NDUFS2: variants seen among roughly 807,000 people sequenced by gnomAD.
The protein encoded by NDUFS2 is NADH:ubiquinone oxidoreductase core subunit S2.
Under a neutral mutation model 69.6 loss-of-function variants are expected in NDUFS2, and 38 were observed. The observed-to-expected ratio is 0.55, with a 90% CI of 0.42 to 0.72. NDUFS2 has a LOEUF of 0.72. NDUFS2 is among the 30% of genes least tolerant of loss of function. NDUFS2 has a pLI of 0.00. For synonymous variants in NDUFS2, 194 were observed against 211.2 expected, an observed-to-expected ratio of 0.92 and a Z score of 0.70; for missense variants, 468 against 595.0, an observed-to-expected ratio of 0.79 and a Z score of 2.22.
chr1:161,205,605 A>G (rs921121923), intron 2 of NDUFS2, among the ~76,000 whole-genome samples: 2 of 152,114 alleles, frequency 1.3e-5, no homozygotes, highest in African/African-American at 4.8e-5. Flanking sequence ...GCAAATTAAA[A>G]TGTAAGCTTC....
intron 3 of NDUFS2, among the ~76,000 whole-genome samples, chr1:161,208,627 C>G (rs1258688981): frequency 6.6e-6 from 1 of 152,254 alleles, no homozygotes; most frequent in East Asian, 1.9e-4. Flanking sequence ...TATCCTGGAG[C>G]TAGCTCATAC....
chr1:161,213,230 C>A (rs1327943462), intron 10 of NDUFS2, 150 bp from the exon 11 acceptor site: 2 of 673,696 alleles, frequency 3.0e-6, no homozygotes, highest in African/African-American at 3.6e-5. Flanking sequence ...TCTCCCATAG[C>A]TCTCCTGTTT....
upstream of NDUFS2, chr1:161,198,694 T>C (rs1664980346): frequency 5.0e-6 from 7 of 1,386,844 alleles, no homozygotes; most frequent in Non-Finnish European, 6.7e-6. The surrounding 1 kb of genome is among the most constrained non-coding windows in gnomAD (Gnocchi z 4.7). Flanking sequence ...CACCCTAGCT[T>C]TGGAAAGCTC....
intron 10 of NDUFS2, 66 bp downstream of exon 10, chr1:161,212,546 C>T (rs1665830375): frequency 6.3e-7 from 1 of 1,585,730 alleles, no homozygotes; most frequent in African/African-American, 1.3e-5. Context: ...GAGGAGTATC[C>T]TTGGATTAAA....
chr1:161,210,589 A>G lies in NDUFS2; in HGVS notation c.867-2A>G, dbSNP rs1047522629. 6.2e-7 allele frequency: 1 copy of G among 1,614,158 alleles called. No homozygotes were observed. Among genetic ancestry groups the G allele is most frequent in the Non-Finnish European group, 8.5e-7 (1 of 1,180,016 alleles). On this transcript the variant is annotated splice_acceptor_variant, in intron 8 of 13. Transcript: ENST00000676972. LOFTEE classifies it high-confidence loss of function. ...CCCTTATTCCCATTATGCTCTCCAC[A>G]GTGGAGTGATGCTTCGGGGCTCAGG...
At chr1:161,210,432 G>C (rs1163340177) in intron 8 of NDUFS2, 43 bp downstream of exon 8, 1 of 1,602,330 alleles carries the variant, frequency 6.2e-7, no homozygotes, top group East Asian at 2.2e-5. Flanking sequence ...GGGGGTGGGA[G>C]TGGGGGAGTT....
chr1:161,212,532 T>C (rs1265112674), intron 10 of NDUFS2, 52 bp downstream of exon 10: 1 of 1,597,890 alleles, frequency 6.3e-7, no homozygotes, highest in East Asian at 2.2e-5. Flanking sequence ...GGCCAGTGGC[T>C]GGGGAGGAGT....
intron 3 of NDUFS2, among the ~76,000 whole-genome samples, chr1:161,207,483 C>T (rs930542435): frequency 5.9e-5 from 9 of 152,054 alleles, no homozygotes; most frequent in Non-Finnish European, 7.4e-5. Flanking sequence ...TCACTCTGGC[C>T]GGGCTCACGC....
upstream of NDUFS2, chr1:161,202,132 C>G: frequency 3.6e-6 from 2 of 562,386 alleles, no homozygotes; most frequent in Admixed American, 3.0e-5. Flanking sequence ...GCAATTTTCC[C>G]TTGCTCGCTC....
At position 161,210,398 on chromosome 1, in the gene NDUFS2, A is replaced by C. The variant is rs745665211; in HGVS notation, c.866+9A>C. On this transcript the variant is annotated intron_variant, in intron 8 of 13. Transcript: ENST00000676972. ...CTTAACTATGGTTTTAGGTGAGGGGAATACAACTTCTCTCCGTAGGAGTGG... is the reference window on the plus strand; with the variant it reads ...CTTAACTATGGTTTTAGGTGAGGGGCATACAACTTCTCTCCGTAGGAGTGG... The C allele has an allele frequency of 1.2e-6, 2 of 1,611,464 alleles. No individual in the cohort carries two copies. The highest frequency in any genetic ancestry group is 2.7e-5 in the African/African-American group (2 of 74,832).
intron 5 of NDUFS2, 31 bp downstream of exon 5, chr1:161,209,626 G>A (rs1477220419): frequency 6.5e-7 from 1 of 1,549,172 alleles, no homozygotes; most frequent in Admixed American, 1.7e-5. Flanking sequence ...TAGGAATAGG[G>A]AAGGAAGTGC....
rs191970451 is a variant in NDUFS2 at position 161,204,888 on chromosome 1, T to A, written c.202+1345T>A. On this transcript the variant is annotated intron_variant, in intron 2 of 13. Transcript: ENST00000676972. ...CAACATGGTGAAACCCCGCCTCTACTAAAAATACAGAAATTAGCCAGGCGT... is the reference window on the plus strand; with the variant it reads ...CAACATGGTGAAACCCCGCCTCTACAAAAAATACAGAAATTAGCCAGGCGT... 4.2e-3 allele frequency among the ~76,000 whole-genome samples: 639 copies of A among 152,104 alleles called. 5 individuals carry two copies. Among genetic ancestry groups the A allele is most frequent in the African/African-American group, 0.015 (614 of 41,492 alleles).
upstream of NDUFS2, chr1:161,197,515 C>A: frequency 6.2e-6 from 1 of 161,644 alleles, no homozygotes; most frequent in Non-Finnish European, 1.3e-5. Flanking sequence ...TCTCTTGCCA[C>A]TCCTGCCCTA....
chr1:161,202,663 C>T (rs1012242268), intron 1 of NDUFS2, among the ~76,000 whole-genome samples, 183 bp downstream of exon 1: 3 of 152,112 alleles, frequency 2.0e-5, no homozygotes, highest in Non-Finnish European at 4.4e-5. Context: ...GTCTAGAGTT[C>T]GTTCGTGCCG....
intron 1 of NDUFS2, among the ~76,000 whole-genome samples, chr1:161,203,193 C>CCTG (rs1665249766): frequency 6.6e-6 from 1 of 152,118 alleles, no homozygotes; most frequent in Non-Finnish European, 1.5e-5. Flanking sequence ...GTAATCTCAG[C>CCTG]TACTTGGGAG....
intron 2 of NDUFS2, among the ~76,000 whole-genome samples, chr1:161,205,007 C>T (rs1285578947): frequency 1.3e-5 from 2 of 151,104 alleles, no homozygotes; most frequent in East Asian, 1.9e-4. Flanking sequence ...ACCGAGATCA[C>T]GCCATTGCAC....
Position 161,206,616 on chromosome 1 carries a change from A to T in NDUFS2, c.393+19A>T. On this transcript the variant is annotated intron_variant, in intron 3 of 13. Transcript: ENST00000676972. ...TCTTCAGGTGTGGGGGGTGAACAGG[A>T]GCCTTTTGGCGGGATCTGGGGTTGC... 6.2e-7 allele frequency: 1 copy of T among 1,611,766 alleles called. No homozygotes were observed. Among genetic ancestry groups the T allele is most frequent in the Non-Finnish European group, 8.5e-7 (1 of 1,179,562 alleles).
intron 3 of NDUFS2, among the ~76,000 whole-genome samples, chr1:161,208,452 C>T (rs1383324096): frequency 6.6e-6 from 1 of 152,060 alleles, no homozygotes; most frequent in African/African-American, 2.4e-5. Context: ...AGGCATGCAC[C>T]ACCACGCCCT....
chr1:161,203,397 G>A (rs376537548), intron 1 of NDUFS2, 40 bp from the exon 2 acceptor site: 29 of 1,551,492 alleles, frequency 1.9e-5, no homozygotes, highest in Non-Finnish European at 2.6e-5. Context: ...ACCAAACACT[G>A]TTCAGGCCCT....
Sources: allele counts gnomAD v4.1 joint callset (sites outside exome capture counted in the v4.1 genomes callset), GRCh38; gene constraint gnomAD v4.1.1; non-coding constraint Gnocchi (gnomAD v3.1); transcripts MANE v1.5; gene names NCBI Gene and HGNC (gene_info 2026-07-23, HGNC 2026-07-21).